CALU: variants seen among roughly 807,000 people sequenced by gnomAD.
CALU encodes IEF SSP 9302.
Under a neutral mutation model 37.5 loss-of-function variants are expected in CALU, and 13 were observed. That is an observed-to-expected ratio of 0.35 (90% CI 0.23 to 0.55). The LOEUF (loss-of-function observed/expected upper bound fraction) is 0.55, where lower values mean the gene tolerates loss of function less well. Among genes scored for constraint, CALU ranks in the 20% least tolerant of loss-of-function variants. The pLI is 0.89. For synonymous variants in CALU, 114 were observed against 133.8 expected, an observed-to-expected ratio of 0.85 and a Z score of 1.02; for missense variants, 282 against 391.7, an observed-to-expected ratio of 0.72 and a Z score of 2.36.
At chr7:128,749,578 A>G (rs1451739700) in intron 2 of CALU, among the ~76,000 whole-genome samples, 1 of 152,206 alleles carries the variant, frequency 6.6e-6, no homozygotes, top group South Asian at 2.1e-4. Flanking sequence ...TCCTGATTGT[A>G]TTCAAGAGAT....
At position 128,748,661 on chromosome 7, in the gene CALU, C is replaced by G; in HGVS notation, c.78C>G (p.Asp26Glu). The change falls in exon 2 of 7, where the codon GAC (aspartate) becomes GAG (glutamate). Residue 26 changes from aspartate to glutamate, a missense_variant. Asp to Glu is a conservative substitution (Grantham distance 45). Transcript: ENST00000249364. ...FALSKPTEKK[D>E]RVHHEPQLSD... ...TGAGCAAACCCACAGAAAAGAAGGA[C>G]CGTGTACATCATGAGCCTCAGCTCA... is the stretch of plus-strand genomic sequence containing the variant. 1 of 1,614,174 alleles carries G rather than the reference C, an allele frequency of 6.2e-7. No individual in the cohort carries two copies. The highest frequency in any genetic ancestry group is 8.5e-7 in the Non-Finnish European group (1 of 1,180,020).
intron 1 of CALU, among the ~76,000 whole-genome samples, chr7:128,746,168 AC>A (rs1800427891): frequency 7.3e-6 from 1 of 137,202 alleles, no homozygotes; most frequent in Non-Finnish European, 1.6e-5. Context: ...TTTTTTTTTT[AC>A]ATTCTTTTTT....
At position 128,770,899 on chromosome 7, in the gene CALU, T is replaced by G. The variant is rs901505272; in HGVS notation, c.*1732T>G. 3.3e-5 allele frequency: 5 copies of G among 152,670 alleles called. No individual in the cohort carries two copies. Among genetic ancestry groups the G allele is most frequent in the African/African-American group, 1.2e-4 (5 of 41,450 alleles). The allele number at this position is 152,670 out of a possible 1,614,324, so 9.5% of individuals were successfully genotyped here. Reference sequence around the variant, plus strand: ...TTATAATCTGAACCTAGGTATATCCTTTGGTCTTCCACAGTCATGTTGAGG... The same window carrying G: ...TTATAATCTGAACCTAGGTATATCCGTTGGTCTTCCACAGTCATGTTGAGG... On this transcript the variant is annotated 3_prime_UTR_variant, in exon 7 of 7. Coordinates refer to ENST00000249364, the MANE Select transcript of CALU (RefSeq NM_001219.5).
Position 128,770,218 on chromosome 7 carries a change from G to A in CALU, c.*1051G>A, listed in dbSNP as rs912547215. On this transcript the variant is annotated 3_prime_UTR_variant, in exon 7 of 7. Transcript: ENST00000249364. ...CCCTGAGATTAAAAAAAGACTATTT[G>A]GATAACTTATAGGAAAGCCTAGAAC... 2.6e-5 allele frequency: 4 copies of A among 152,572 alleles called. No homozygotes were observed. The highest frequency in any genetic ancestry group is 4.4e-5 in the Non-Finnish European group (3 of 68,030). 9.5% of individuals were successfully genotyped at this position (152,572 alleles called of 1,614,324 possible).
At chr7:128,757,739 C>G (rs933253656) in intron 3 of CALU, among the ~76,000 whole-genome samples, 3 of 151,926 alleles carry the variant, frequency 2.0e-5, no homozygotes, top group Admixed American at 6.6e-5. Context: ...TATACAGGAA[C>G]GCAGATTGAA....
chr7:128,746,079 T>G (rs1402487294), intron 1 of CALU, among the ~76,000 whole-genome samples: 2 of 152,228 alleles, frequency 1.3e-5, no homozygotes, highest in Non-Finnish European at 2.9e-5. Context: ...GACGTTGTTT[T>G]GAACCTTGCT....
intron 2 of CALU, among the ~76,000 whole-genome samples, chr7:128,753,243 A>G (rs1393203927): frequency 2.0e-5 from 3 of 152,196 alleles, no homozygotes; most frequent in Non-Finnish European, 4.4e-5. Context: ...AATCTTTTCA[A>G]TCCTGCAAAT....
At chr7:128,764,845 A>G (rs77424324) in intron 5 of CALU, among the ~76,000 whole-genome samples, 1 of 152,254 alleles carries the variant, frequency 6.6e-6, no homozygotes, top group African/African-American at 2.4e-5. Context: ...ATCAGTCACC[A>G]CATGATATTG....
chr7:128,762,958 C>T (rs1255001783), intron 5 of CALU, among the ~76,000 whole-genome samples: 1 of 152,064 alleles, frequency 6.6e-6, no homozygotes, highest in Non-Finnish European at 1.5e-5. Context: ...TGAGCCACTG[C>T]ACCTGCCCCC....
In CALU at chr7:128,767,445, T is replaced by C; in HGVS notation, c.644-11T>C. On this transcript the variant is annotated splice_polypyrimidine_tract_variant and intron_variant, in intron 5 of 6. Transcript: ENST00000249364. ...CAAACCCTTCTTTTGTATGTATGTCTGTGTACCCAGGTGACATGTACAGCC... is the reference window on the plus strand; with the variant it reads ...CAAACCCTTCTTTTGTATGTATGTCCGTGTACCCAGGTGACATGTACAGCC... 1 of 1,601,756 alleles carries C rather than the reference T, an allele frequency of 6.2e-7. No individual in the cohort carries two copies.
Position 128,748,817 on chromosome 7 carries a change from C to T in CALU, c.221+13C>T. ...AGGAAAGGCTTGGGTAAGGTACCAC[C>T]TCTCAGGGGTCTAGTGTGGGTAATG... On this transcript the variant is annotated intron_variant, in intron 2 of 6. Coordinates refer to ENST00000249364, the MANE Select transcript of CALU (RefSeq NM_001219.5). 6.4e-7 allele frequency: 1 copy of T among 1,551,872 alleles called. No homozygotes were observed. The highest frequency in any genetic ancestry group is 2.2e-5 in the East Asian group (1 of 44,596).
chr7:128,748,060 A>G, intron 1 of CALU: 1 of 266,934 alleles, frequency 3.7e-6, no homozygotes, highest in Non-Finnish European at 7.0e-6. Flanking sequence ...TGAACATCAG[A>G]ATCACCTGAA....
chr7:128,746,762 C>CTTTTTTTTTTTTTTT (rs71162530), intron 1 of CALU, among the ~76,000 whole-genome samples: 1 of 122,660 alleles, frequency 8.2e-6, no homozygotes, highest in Non-Finnish European at 1.6e-5. Flanking sequence ...TCATGTCATT[C>CTTTTTTTTTTTTTTT]TTTTTTTTTT....
At chr7:128,746,219 G>A (rs747978344) in intron 1 of CALU, among the ~76,000 whole-genome samples, 23 of 151,354 alleles carry the variant, frequency 1.5e-4, no homozygotes, top group Non-Finnish European at 3.1e-4. Flanking sequence ...GTGCAGTGGT[G>A]AGATCTCAGC....
At chr7:128,760,694 G>A (rs1456910042) in intron 5 of CALU, among the ~76,000 whole-genome samples, 1 of 152,176 alleles carries the variant, frequency 6.6e-6, no homozygotes, top group Non-Finnish European at 1.5e-5. Flanking sequence ...GGATCACAAG[G>A]TCAGGAGATC....
intron 1 of CALU, among the ~76,000 whole-genome samples, chr7:128,745,027 C>G (rs919408190): frequency 9.9e-5 from 15 of 152,226 alleles, no homozygotes; most frequent in African/African-American, 3.6e-4. Flanking sequence ...GGTACAGTAT[C>G]CTTTCCAGGA....
chr7:128,767,614 G>C lies in CALU; in HGVS notation c.802G>C (p.Ala268Pro), dbSNP rs1425470270. 6.2e-7 allele frequency: 1 copy of C among 1,614,058 alleles called. No individual in the cohort carries two copies. Among genetic ancestry groups the C allele is most frequent in the African/African-American group, 1.3e-5 (1 of 74,928 alleles). Residue 268 changes from alanine (A) to proline (P), a missense_variant, in exon 6 of 7, where the codon GCA becomes CCA. Coordinates refer to ENST00000249364, the MANE Select transcript of CALU (RefSeq NM_001219.5). ...ILPSDYDHAE[A>P]EARHLVYESD... ...TCCCTCAGACTATGATCATGCAGAG[G>C]CAGAAGCCAGGCACCTGGTCTATGA...
intron 3 of CALU, among the ~76,000 whole-genome samples, chr7:128,757,952 A>G (rs1396091709): frequency 6.6e-6 from 1 of 151,906 alleles, no homozygotes; most frequent in African/African-American, 2.4e-5. Context: ...TTATTGACAT[A>G]AAGTGAACTG....
intron 1 of CALU, among the ~76,000 whole-genome samples, chr7:128,747,154 T>G (rs186409548): frequency 2.4e-4 from 37 of 152,354 alleles, no homozygotes; most frequent in African/African-American, 7.9e-4. Flanking sequence ...TTCCGATTTT[T>G]TAATCATTGT....
Sources: gnomAD v4.1 joint callset for allele counts (sites outside exome capture counted in the v4.1 genomes callset) on GRCh38, gnomAD v4.1.1 for gene constraint, MANE v1.5 for transcripts, NCBI Gene and HGNC (gene_info 2026-07-23, HGNC 2026-07-21) for gene names.